EPM2A: variants seen among roughly 807,000 people sequenced by gnomAD.
EPM2A encodes the protein laforin.
EPM2A carries 21 observed loss-of-function variants against 26.5 expected under a neutral mutation model. The observed-to-expected ratio is 0.79, with a 90% CI of 0.56 to 1.14. The LOEUF (loss-of-function observed/expected upper bound fraction) is 1.14. Ranked by LOEUF, EPM2A falls within the 50% of genes most tolerant of loss-of-function variation. The probability of loss-of-function intolerance (pLI) is 0.00; values close to 1 mark genes in which losing one functional copy is unlikely to be tolerated. For missense variants in EPM2A, 458 were observed against 440.8 expected, an observed-to-expected ratio of 1.04 and a Z score of -0.35; for synonymous variants, 217 against 177.6, an observed-to-expected ratio of 1.22 and a Z score of -1.76.
At chr6:145,708,671 G>A (rs542318916) in intron 1 of EPM2A, among the ~76,000 whole-genome samples, 21 of 152,316 alleles carry the variant, frequency 1.4e-4, no homozygotes, top group African/African-American at 3.6e-4. Context: ...CTGCAGGGGC[G>A]GGGTCCTCAT....
chr6:145,397,790 C>T (rs1778425388), intron 4 of EPM2A, among the ~76,000 whole-genome samples: 1 of 152,156 alleles, frequency 6.6e-6, no homozygotes, highest in Admixed American at 6.5e-5. Context: ...ACACATATCT[C>T]ATCTGAAAAA....
chr6:145,451,624 A>AAT (rs1218979986), intron 4 of EPM2A, among the ~76,000 whole-genome samples: 2 of 152,242 alleles, frequency 1.3e-5, no homozygotes, highest in African/African-American at 2.4e-5. Context: ...ATAGTCTATA[A>AAT]AGCCGGACAT....
intron 4 of EPM2A, among the ~76,000 whole-genome samples, chr6:145,467,133 T>G (rs1167375613): frequency 6.6e-6 from 1 of 152,014 alleles, no homozygotes; most frequent in African/African-American, 2.4e-5. Context: ...CCCTAAAACT[T>G]AAAGTATAAT....
intron 4 of EPM2A, among the ~76,000 whole-genome samples, chr6:145,426,521 G>T (rs1293324313): frequency 6.6e-6 from 1 of 152,118 alleles, no homozygotes; most frequent in Non-Finnish European, 1.5e-5. Context: ...CTAAAGGGTT[G>T]AAAATATAGA....
chr6:145,481,371 C>A (rs979912027), intron 4 of EPM2A, among the ~76,000 whole-genome samples: 2 of 151,982 alleles, frequency 1.3e-5, no homozygotes, highest in Non-Finnish European at 2.9e-5. Flanking sequence ...TGCCATACTG[C>A]CAGAAGGGAA....
intron 2 of EPM2A, among the ~76,000 whole-genome samples, chr6:145,529,776 C>G (rs1331180881): frequency 2.0e-5 from 3 of 152,114 alleles, no homozygotes; most frequent in Admixed American, 2.0e-4. Context: ...ACTGCTCAGG[C>G]CATTCAAGCT....
rs547429005 is a variant in EPM2A, at chr6:145,651,395, G to A, written c.477-15909C>T. On this transcript the variant is annotated intron_variant, in intron 2 of 3. Coordinates refer to ENST00000367519, the MANE Select transcript of EPM2A (RefSeq NM_005670.4). The stretch of plus-strand genomic sequence containing the variant: ...TGATGAAAAGTAATTATGCTTTGGC[G>A]AATTTTCCTCTTAGATGTAATTTGG... Among the ~76,000 whole-genome samples the A allele has an allele frequency of 3.3e-5, 5 of 152,198 alleles. No individual in the cohort carries two copies. In the East Asian group the frequency reaches 7.7e-4, roughly 23 times the overall value.
intron 1 of EPM2A, among the ~76,000 whole-genome samples, chr6:145,692,311 T>C (rs1781329163): frequency 6.6e-6 from 1 of 151,892 alleles, no homozygotes; most frequent in African/African-American, 2.4e-5. Context: ...GTTAGAACAA[T>C]TAGACAGAAA....
At chr6:145,512,238 A>G (rs1780063994) in intron 2 of EPM2A, among the ~76,000 whole-genome samples, 2 of 152,186 alleles carry the variant, frequency 1.3e-5, no homozygotes, top group Non-Finnish European at 2.9e-5. Flanking sequence ...CCACAGAATT[A>G]GAAAAAAAAT....
At chr6:145,657,864 C>CA (rs1778408835) in intron 2 of EPM2A, among the ~76,000 whole-genome samples, 1 of 152,192 alleles carries the variant, frequency 6.6e-6, no homozygotes, top group South Asian at 2.1e-4. Context: ...CTGCTGAACT[C>CA]AGACTTATGG....
At chr6:145,417,726 A>G (rs1342316565) in intron 4 of EPM2A, among the ~76,000 whole-genome samples, 1 of 152,096 alleles carries the variant, frequency 6.6e-6, no homozygotes, top group Non-Finnish European at 1.5e-5. Flanking sequence ...CCAACTTTCA[A>G]TCCACCTAAC....
intron 2 of EPM2A, among the ~76,000 whole-genome samples, chr6:145,529,744 G>GT (rs1562371243): frequency 1.3e-5 from 2 of 152,140 alleles, no homozygotes; most frequent in Non-Finnish European, 2.9e-5. Context: ...CAGGCACTTG[G>GT]TAAACACTGC....
chr6:145,487,351 C>G (rs118127125), intron 4 of EPM2A, among the ~76,000 whole-genome samples: 1 of 152,114 alleles, frequency 6.6e-6, no homozygotes, highest in African/African-American at 2.4e-5. Flanking sequence ...CCTTTGTATA[C>G]ATACCCAGTA....
exon 4 of EPM2A, chr6:145,501,763 C>T (rs1779892868): frequency 4.2e-6 from 2 of 470,772 alleles, no homozygotes; most frequent in Non-Finnish European, 8.8e-6. Flanking sequence ...CACCCATCTG[C>T]CATCTTCTAC....
chr6:145,647,688 G>GAAGGGA (rs1217478975), intron 2 of EPM2A, among the ~76,000 whole-genome samples: 3 of 152,012 alleles, frequency 2.0e-5, no homozygotes, highest in East Asian at 1.9e-4. Flanking sequence ...AGGAAGGAAG[G>GAAGGGA]AAGGGAAAGG....
chr6:145,420,926 T>C (rs1778773068), intron 4 of EPM2A, among the ~76,000 whole-genome samples: 2 of 152,096 alleles, frequency 1.3e-5, no homozygotes. Flanking sequence ...TCTACAATAA[T>C]GGCACTAAAT....
intron 4 of EPM2A, among the ~76,000 whole-genome samples, chr6:145,388,782 C>T (rs1033504869): frequency 2.6e-4 from 40 of 152,152 alleles, no homozygotes; most frequent in Admixed American, 1.6e-3. Flanking sequence ...TCTGTTCCTG[C>T]GTTAGTTTGC....
chr6:145,484,302 G>A (rs555578499), intron 4 of EPM2A, among the ~76,000 whole-genome samples: 2 of 151,922 alleles, frequency 1.3e-5, no homozygotes, highest in South Asian at 4.2e-4. Flanking sequence ...GCCTTAGAAG[G>A]TATACTCATG....
At chr6:145,586,241 A>T (rs538843726) in intron 2 of EPM2A, among the ~76,000 whole-genome samples, 1 of 152,174 alleles carries the variant, frequency 6.6e-6, no homozygotes. Flanking sequence ...CTTGAAAATC[A>T]CTTTTCCATA....
Sources: gnomAD v4.1 joint callset for allele counts (sites outside exome capture counted in the v4.1 genomes callset) on GRCh38, gnomAD v4.1.1 for gene constraint, MANE v1.5 for transcripts, NCBI Gene and HGNC (gene_info 2026-07-23, HGNC 2026-07-21) for gene names.